The following RNF217 variants were observed in gnomAD, a reference collection of about 807,000 sequenced individuals.
The protein encoded by RNF217 is E3 ubiquitin-protein ligase RNF217.
In RNF217, 31 loss-of-function variants were observed where a neutral mutation model predicts 57.8. The observed-to-expected ratio is 0.54, with a 90% CI of 0.40 to 0.72. The LOEUF is 0.72. Among genes scored for constraint, RNF217 ranks in the 30% least tolerant of loss-of-function variants. The pLI is 0.00. For synonymous variants in RNF217, 313 were observed against 294.0 expected, an observed-to-expected ratio of 1.06 and a Z score of -0.66; for missense variants, 696 against 708.3, an observed-to-expected ratio of 0.98 and a Z score of 0.20.
At chr6:125,028,264 G>T (rs1369890223) in intron 1 of RNF217, among the ~76,000 whole-genome samples, 2 of 152,012 alleles carry the variant, frequency 1.3e-5, no homozygotes, top group African/African-American at 2.4e-5. Context: ...AAATCTGGGA[G>T]TATGTACTCC....
chr6:124,972,922 A>G lies in RNF217; in HGVS notation c.882+9496A>G, dbSNP rs112719336. Among the ~76,000 whole-genome samples the G allele has an allele frequency of 3.2e-3, 487 of 152,254 alleles. 2 individuals carry two copies. Among genetic ancestry groups the G allele is most frequent in the African/African-American group, 0.011 (466 of 41,558 alleles). On this transcript the variant is annotated intron_variant, in intron 1 of 5. Transcript: ENST00000521654. The stretch of plus-strand genomic sequence containing the variant: ...TGTCTGTTTCCTGCTCTGTGCTTCC[A>G]TTAGACTACAAAGCTTGATGCATGT...
chr6:125,049,162 A>C (rs1787212718), intron 2 of RNF217, among the ~76,000 whole-genome samples: 1 of 152,060 alleles, frequency 6.6e-6, no homozygotes, highest in Admixed American at 6.6e-5. Flanking sequence ...CAATATAGAG[A>C]ACAAGTTAAT....
chr6:125,033,830 A>T (rs1332000179), intron 1 of RNF217, among the ~76,000 whole-genome samples: 1 of 151,796 alleles, frequency 6.6e-6, no homozygotes, highest in Non-Finnish European at 1.5e-5. Flanking sequence ...AAGTGTTCCT[A>T]TTTCTCCACA....
intron 1 of RNF217, among the ~76,000 whole-genome samples, chr6:124,981,462 G>A (rs79876099): frequency 0.035 from 5,349 of 152,226 alleles, 325 homozygotes; most frequent in African/African-American, 0.12. Flanking sequence ...CATTGGTTTG[G>A]TTGGGGGGGC....
intron 4 of RNF217, among the ~76,000 whole-genome samples, chr6:125,079,285 A>G (rs1402682657): frequency 6.6e-6 from 1 of 152,198 alleles, no homozygotes; most frequent in Non-Finnish European, 1.5e-5. Flanking sequence ...GGCTGAGGAT[A>G]AATTTTAAAT....
Position 124,962,607 on chromosome 6 carries a change from C to A in RNF217, c.63C>A (p.Ala21=). The A allele has an allele frequency of 7.6e-7, 1 of 1,313,868 alleles. No homozygotes were observed. The highest frequency in any genetic ancestry group is 9.6e-7 in the Non-Finnish European group (1 of 1,039,694). The allele number at this position is 1,313,868 out of a possible 1,614,324, so 81.4% of individuals were successfully genotyped here. A position where few individuals can be genotyped will look rare whatever the true frequency, so the allele number is the denominator to read the frequency against. The change falls in exon 1 of 6, where the codon GCC becomes GCA. Residue 21 remains alanine (A), a synonymous_variant. Transcript: ENST00000521654. The surrounding 1 kb of genome is among the most constrained non-coding windows in gnomAD (Gnocchi z 4.6). ...GGGPQESQTL[A]SGTAGHPEPP... The stretch of plus-strand genomic sequence containing the variant: ...GGCCCCAGGAGTCGCAGACCCTGGC[C>A]AGTGGCACTGCGGGCCACCCTGAGC...
In RNF217 at chr6:125,088,137, G is replaced by A. The variant is rs963645124; in HGVS notation, c.*5200G>A. 9 of 150,364 alleles carry A rather than the reference G, an allele frequency of 6.0e-5. No individual in the cohort carries two copies. The highest frequency in any genetic ancestry group is 4.2e-4 in the South Asian group (2 of 4,782). The allele number at this position is 150,364 out of a possible 1,614,324, so 9.3% of individuals were successfully genotyped here. A position where few individuals can be genotyped will look rare whatever the true frequency, so the allele number is the denominator to read the frequency against. On this transcript the variant is annotated 3_prime_UTR_variant, in exon 6 of 6. Transcript: ENST00000521654. ...CTGGAGTAGCTGGGATTACAAGCAC[G>A]TGCCTACTATGCCTGTCTTCAAAAT...
chr6:125,070,552 G>A (rs1272240653), intron 3 of RNF217, among the ~76,000 whole-genome samples: 1 of 152,112 alleles, frequency 6.6e-6, no homozygotes, highest in Non-Finnish European at 1.5e-5. Context: ...TAGGAGTAAG[G>A]TGGTATCTCA....
chr6:125,020,657 G>C (rs1302089580), intron 1 of RNF217, among the ~76,000 whole-genome samples: 1 of 152,040 alleles, frequency 6.6e-6, no homozygotes, highest in Non-Finnish European at 1.5e-5. Flanking sequence ...CTAGATAAAG[G>C]CGTATTGCTT....
In RNF217 at chr6:124,963,029, T is replaced by C; in HGVS notation, c.485T>C (p.Val162Ala). ...QRRPSLAKRQ[V>A]FCSVYCVESD... ...CGCCCGTCCCTCGCCAAGAGACAAG[T>C]CTTCTGCTCCGTGTACTGCGTGGAG... The change falls in exon 1 of 6, where the codon GTC (valine) becomes GCC (alanine). Residue 162 changes from valine (V) to alanine (A), a missense_variant. Coordinates refer to ENST00000521654, the MANE Select transcript of RNF217 (RefSeq NM_001286398.3). The C allele has an allele frequency of 6.3e-7, 1 of 1,592,378 alleles. No individual in the cohort carries two copies. Among genetic ancestry groups the C allele is most frequent in the African/African-American group, 1.3e-5 (1 of 74,856 alleles).
At chr6:125,079,482 T>C (rs1336643552) in intron 4 of RNF217, among the ~76,000 whole-genome samples, 1 of 145,362 alleles carries the variant, frequency 6.9e-6, no homozygotes. Context: ...ATTGAAGAAA[T>C]ACAAATAGCC....
intron 1 of RNF217, among the ~76,000 whole-genome samples, chr6:124,989,384 C>T (rs540242752): frequency 6.6e-6 from 1 of 152,140 alleles, no homozygotes; most frequent in East Asian, 1.9e-4. Context: ...CTTCTTTTGA[C>T]GTATGCAATA....
Position 124,963,387 on chromosome 6 carries a change from C to G in RNF217, c.843C>G (p.Ala281=). 6.6e-7 allele frequency: 1 copy of G among 1,505,936 alleles called. No individual in the cohort carries two copies. The highest frequency in any genetic ancestry group is 8.8e-7 in the Non-Finnish European group (1 of 1,132,634). 93.3% of individuals were successfully genotyped at this position (1,505,936 alleles called of 1,614,324 possible). A position where few individuals can be genotyped will look rare whatever the true frequency, so the allele number is the denominator to read the frequency against. ...AGCCCCTGCCTTGCTGCAAGAAGGC[C>G]GTGTGCGAGGAGTGCCTCAAAGTCT... ...PIKPLPCCKK[A]VCEECLKVYL... is the part of the protein sequence containing the mutation. Residue 281 remains alanine (A), a synonymous_variant, in exon 1 of 6, where the codon GCC becomes GCG. Coordinates refer to ENST00000521654, the MANE Select transcript of RNF217 (RefSeq NM_001286398.3).
At chr6:125,062,066 G>A (rs1787755874) in intron 3 of RNF217, among the ~76,000 whole-genome samples, 1 of 151,796 alleles carries the variant, frequency 6.6e-6, no homozygotes, top group Non-Finnish European at 1.5e-5. Flanking sequence ...ATACATAATA[G>A]TCTCTTTTCT....
intron 3 of RNF217, among the ~76,000 whole-genome samples, chr6:125,073,676 A>C (rs9398773): frequency 0.43 from 65,474 of 151,964 alleles, 14,607 homozygotes; most frequent in Middle Eastern, 0.52. Flanking sequence ...CCTATCTAGG[A>C]AAGCACTCTC....
intron 1 of RNF217, chr6:124,971,698 C>T (rs1783767569): frequency 6.5e-6 from 1 of 154,584 alleles, no homozygotes; most frequent in Non-Finnish European, 1.4e-5. Context: ...TGGTGATCCT[C>T]CTGCCTCGGC....
At chr6:125,004,872 C>T (rs1018880588) in intron 1 of RNF217, among the ~76,000 whole-genome samples, 5 of 152,110 alleles carry the variant, frequency 3.3e-5, no homozygotes, top group Admixed American at 3.3e-4. Context: ...TTGTCTTAGT[C>T]CATTTTTTGC....
intron 2 of RNF217, among the ~76,000 whole-genome samples, chr6:125,045,916 T>C (rs1371393540): frequency 6.6e-6 from 1 of 152,034 alleles, no homozygotes; most frequent in African/African-American, 2.4e-5. Flanking sequence ...TTGGGGGCTA[T>C]AGAGCAAATG....
rs1363978234 is a variant in RNF217, at chr6:125,090,327, A to G, written c.*7390A>G. On this transcript the variant is annotated 3_prime_UTR_variant, in exon 6 of 6. Coordinates refer to ENST00000521654, the MANE Select transcript of RNF217 (RefSeq NM_001286398.3). ...AGAAATGATTTTCTGTAGAAGGAAC[A>G]CAACAGTGATGTTAAAATGTTAACA... The G allele has an allele frequency of 6.6e-6, 1 of 152,050 alleles. No individual in the cohort carries two copies. The highest frequency in any genetic ancestry group is 1.5e-5 in the Non-Finnish European group (1 of 67,922). 9.4% of individuals were successfully genotyped at this position (152,050 alleles called of 1,614,324 possible).
Sources: gnomAD v4.1 joint callset for allele counts (sites outside exome capture counted in the v4.1 genomes callset) on GRCh38, gnomAD v4.1.1 for gene constraint, Gnocchi (gnomAD v3.1) non-coding constraint, MANE v1.5 for transcripts, NCBI Gene and HGNC (gene_info 2026-07-23, HGNC 2026-07-21) for gene names.